The following NLN variants were observed in gnomAD, a reference collection of about 807,000 sequenced individuals.
NLN encodes neurolysin, also known as neurolysin, mitochondrial.
In NLN, 64 loss-of-function variants were observed where a neutral mutation model predicts 79.9. The ratio of observed to expected loss-of-function variants is 0.80; its 90% CI spans 0.65 to 0.99. NLN has a LOEUF of 0.99. Among genes scored for constraint, NLN ranks in the 50% least tolerant of loss-of-function variants. The pLI, the probability that NLN is intolerant of heterozygous loss-of-function variation, is 0.00. For synonymous variants in NLN, 267 were observed against 296.6 expected (o/e 0.90, Z 1.02); for missense variants, 835 against 858.7 (o/e 0.97, Z 0.34).
chr5:65,791,051 T>A (rs920614494), intron 8 of NLN, among the ~76,000 whole-genome samples: 1 of 152,212 alleles, frequency 6.6e-6, no homozygotes, highest in African/African-American at 2.4e-5. Context: ...TCTTAAGATG[T>A]TCTCTTCATA....
chr5:65,774,707 T>A (rs1010224108), intron 3 of NLN, among the ~76,000 whole-genome samples: 1 of 138,014 alleles, frequency 7.2e-6, no homozygotes, highest in Non-Finnish European at 1.6e-5. Flanking sequence ...TAGTCATACA[T>A]ATATAAATTA....
At chr5:65,795,044 G>C (rs1760144347) in intron 9 of NLN, among the ~76,000 whole-genome samples, 1 of 152,002 alleles carries the variant, frequency 6.6e-6, no homozygotes, top group South Asian at 2.1e-4. Flanking sequence ...TTTCTTAGGT[G>C]TTTTTAAAAT....
At position 65,824,560 on chromosome 5, in the gene NLN, A is replaced by C. The variant is rs1760876389; in HGVS notation, c.*1645A>C. 1 of 152,198 alleles carries C rather than the reference A, an allele frequency of 6.6e-6. No individual in the cohort carries two copies. The highest frequency in any genetic ancestry group is 1.5e-5 in the Non-Finnish European group (1 of 68,046). 9.4% of individuals were successfully genotyped at this position (152,198 alleles called of 1,614,324 possible). On this transcript the variant is annotated 3_prime_UTR_variant, in exon 13 of 13. Coordinates refer to ENST00000380985, the MANE Select transcript of NLN (RefSeq NM_020726.5). ...TTCTGTTTTTCAGTTTCAGACAAAA[A>C]AACTCTTCAGCTTTTTCCAGTGTGT...
At position 65,758,848 on chromosome 5, in the gene NLN, A is replaced by G. The variant is rs373243498; in HGVS notation, c.301+22A>G. The G allele has an allele frequency of 1.5e-5, 24 of 1,592,118 alleles. No homozygotes were observed. The African/African-American group carries it at 2.9e-4, about 20-fold the overall frequency. On this transcript the variant is annotated intron_variant, in intron 2 of 12. Coordinates refer to ENST00000380985, the MANE Select transcript of NLN (RefSeq NM_020726.5). Reference sequence around the variant, plus strand: ...ATAGGTGGGTCAGATGCAGAAGCATATCAGTGTTTCACTTTGTGGACATCT... The same window carrying G: ...ATAGGTGGGTCAGATGCAGAAGCATGTCAGTGTTTCACTTTGTGGACATCT...
chr5:65,820,005 CT>C (rs1239131495), intron 12 of NLN, among the ~76,000 whole-genome samples: 2 of 152,190 alleles, frequency 1.3e-5, no homozygotes, highest in African/African-American at 4.8e-5. Context: ...AAGATTTGAG[CT>C]GTACTGAGCC....
Position 65,823,865 on chromosome 5 carries a change from AG to A in NLN, c.*953del, listed in dbSNP as rs1760857092. On this transcript the variant is annotated 3_prime_UTR_variant, in exon 13 of 13. Transcript: ENST00000380985. ...GAGAGGAGGTGGATGTGGAACATAA[AG>A]GGTTCAGAAACTCCAGAAGAGGAGT... 1 of 152,268 alleles carries A rather than the reference AG, an allele frequency of 6.6e-6. No individual in the cohort carries two copies. The highest frequency in any genetic ancestry group is 2.4e-5 in the African/African-American group (1 of 41,472). 9.4% of individuals were successfully genotyped at this position (152,268 alleles called of 1,614,324 possible). A position where few individuals can be genotyped will look rare whatever the true frequency, so the allele number is the denominator to read the frequency against.
In NLN at chr5:65,788,185, A is replaced by G. The variant is rs1247572276; in HGVS notation, c.1026A>G (p.Lys342=). The G allele has an allele frequency of 6.2e-7, 1 of 1,614,166 alleles. No homozygotes were observed. The highest frequency in any genetic ancestry group is 1.7e-5 in the Admixed American group (1 of 60,030). Residue 342 remains lysine, a synonymous_variant, in exon 8 of 13, where the codon AAA becomes AAG. Coordinates refer to ENST00000380985, the MANE Select transcript of NLN (RefSeq NM_020726.5). ...GAGAGTTTATTTTGAATTTGAAGAA[A>G]AAGGAATGCAAAGACAGGGGTTTTG... ...AEREFILNLK[K]KECKDRGFEY...
intron 3 of NLN, among the ~76,000 whole-genome samples, chr5:65,765,376 G>A (rs142135677): frequency 1.3e-5 from 2 of 152,158 alleles, no homozygotes; most frequent in South Asian, 4.1e-4. Flanking sequence ...AAATTAGCCA[G>A]GTGTGGTGGC....
chr5:65,797,683 A>T (rs1760200444), intron 9 of NLN, among the ~76,000 whole-genome samples: 1 of 152,258 alleles, frequency 6.6e-6, no homozygotes, highest in Non-Finnish European at 1.5e-5. Context: ...GAAAAGCATA[A>T]GGAGCCATAT....
At chr5:65,763,451 G>T (rs561677590) in intron 3 of NLN, among the ~76,000 whole-genome samples, 7 of 152,218 alleles carry the variant, frequency 4.6e-5, no homozygotes, top group Non-Finnish European at 1.0e-4. Flanking sequence ...TAAATATCTC[G>T]TGGTTTTGGA....
intron 9 of NLN, among the ~76,000 whole-genome samples, chr5:65,800,447 G>A (rs919077574): frequency 2.6e-4 from 40 of 152,038 alleles, no homozygotes; most frequent in Admixed American, 2.0e-3. Flanking sequence ...AGGCAGAGGC[G>A]GGCAGATCAC....
intron 3 of NLN, among the ~76,000 whole-genome samples, chr5:65,772,061 T>A (rs1759581228): frequency 1.3e-5 from 2 of 152,076 alleles, no homozygotes; most frequent in Admixed American, 1.3e-4. Context: ...TAGTCATTGG[T>A]CATAATCAAT....
At chr5:65,761,757 A>G (rs905365277) in intron 2 of NLN, among the ~76,000 whole-genome samples, 7 of 152,222 alleles carry the variant, frequency 4.6e-5, no homozygotes, top group African/African-American at 1.7e-4. Context: ...TATTTCAAAA[A>G]TATACCTTAT....
chr5:65,801,295 T>C (rs1274721575), intron 9 of NLN, among the ~76,000 whole-genome samples: 2 of 152,250 alleles, frequency 1.3e-5, no homozygotes, highest in African/African-American at 4.8e-5. Flanking sequence ...TTTAGGGTTC[T>C]TTGGATTATA....
In NLN at chr5:65,758,748, G is replaced by A. The variant is rs1301407262; in HGVS notation, c.223G>A (p.Val75Ile). The A allele has an allele frequency of 1.2e-6, 2 of 1,613,552 alleles. No homozygotes were observed. The highest frequency in any genetic ancestry group is 2.7e-5 in the African/African-American group (2 of 74,876). ...GCAGACCAAACAGGTGTACGATGCT[G>A]TTGGAATGCTCGGTATTGAGGAAGT... is the stretch of plus-strand genomic sequence containing the variant. ...IVQTKQVYDA[V>I]GMLGIEEVTY... is the part of the protein sequence containing the mutation. The change falls in exon 2 of 13, where the codon GTT (valine) becomes ATT (isoleucine). Residue 75 changes from valine (V) to isoleucine (I), a missense_variant. Val to Ile is a conservative substitution (Grantham distance 29). Transcript: ENST00000380985.
At chr5:65,749,962 T>C (rs1002223959) in intron 1 of NLN, among the ~76,000 whole-genome samples, 6 of 152,222 alleles carry the variant, frequency 3.9e-5, no homozygotes, top group African/African-American at 1.4e-4. Flanking sequence ...GATGAGTGTT[T>C]TAACACTCCT....
chr5:65,759,746 C>G (rs1434779266), intron 2 of NLN, among the ~76,000 whole-genome samples: 2 of 152,128 alleles, frequency 1.3e-5, no homozygotes, highest in African/African-American at 4.8e-5. Context: ...GCTCATCACT[C>G]TAACGTTAAT....
At chr5:65,737,530 AAAAT>A (rs1758754313) in intron 1 of NLN, among the ~76,000 whole-genome samples, 1 of 152,236 alleles carries the variant, frequency 6.6e-6, no homozygotes, top group Admixed American at 6.5e-5. Context: ...TAAGGGATGC[AAAAT>A]AAATATATTC....
At chr5:65,757,060 G>A (rs557393223) in intron 1 of NLN, among the ~76,000 whole-genome samples, 1 of 152,172 alleles carries the variant, frequency 6.6e-6, no homozygotes, top group Admixed American at 6.5e-5. Flanking sequence ...TAGTATAATT[G>A]CATATTTATC....
Sources: gnomAD v4.1 joint callset for allele counts (sites outside exome capture counted in the v4.1 genomes callset) on GRCh38, gnomAD v4.1.1 for gene constraint, MANE v1.5 for transcripts, NCBI Gene and HGNC (gene_info 2026-07-23, HGNC 2026-07-21) for gene names.